CALHM4: variants seen among roughly 807,000 people sequenced by gnomAD.
The protein encoded by CALHM4 is calcium homeostasis modulator family member 4, also known as calcium homeostasis modulator protein 4.
Under a neutral mutation model 13.3 loss-of-function variants are expected in CALHM4, and 16 were observed. That is an observed-to-expected ratio of 1.20 (90% confidence interval 0.81 to 1.82). The LOEUF is 1.82. Ranked by LOEUF, CALHM4 falls within the 40% of genes most tolerant of loss-of-function variation. The probability of loss-of-function intolerance (pLI) is 0.00; values close to 1 mark genes in which losing one functional copy is unlikely to be tolerated. For synonymous variants in CALHM4, 127 were observed against 137.1 expected (o/e 0.93, Z 0.52); for missense variants, 344 against 374.9 (o/e 0.92, Z 0.68).
chr6:116,535,483 A>G (rs1056078281), intron 1 of CALHM4, among the ~76,000 whole-genome samples: 5 of 152,218 alleles, frequency 3.3e-5, no homozygotes, highest in Non-Finnish European at 5.9e-5. Flanking sequence ...GATCAAGTTT[A>G]TCTCTAATTA....
intron 1 of CALHM4, among the ~76,000 whole-genome samples, chr6:116,556,090 C>T (rs868782478): frequency 6.6e-6 from 1 of 152,196 alleles, no homozygotes; most frequent in Admixed American, 6.5e-5. Flanking sequence ...ACTATTCATG[C>T]TATTTTCCTT....
At position 116,555,268 on chromosome 6, in the gene CALHM4, G is replaced by T. The variant is rs375779242; in HGVS notation, c.558+917G>T. Among the ~76,000 whole-genome samples, 14 of 152,198 alleles carry T rather than the reference G, an allele frequency of 9.2e-5. No homozygotes were observed. The East Asian group carries it at 1.2e-3, about 13-fold the overall frequency. ...TAACTTTTTTAATACTAGCCCTAAT[G>T]CTCAGAGGAGCTATGTAAAAATATG... On this transcript the variant is annotated intron_variant, in intron 1 of 1. Transcript: ENST00000368596.
In CALHM4 at chr6:116,560,203, T is replaced by A. The variant is rs1774523509; in HGVS notation, c.*1992T>A. Among the ~76,000 whole-genome samples, 1 of 152,202 alleles carries A rather than the reference T, an allele frequency of 6.6e-6. No individual in the cohort carries two copies. Among genetic ancestry groups the A allele is most frequent in the South Asian group, 2.1e-4 (1 of 4,822 alleles). ...TTTTATATTCTTCTGTATTGGAACA[T>A]ACTAGTTAAATGAACACTTTCAACC... On this transcript the variant is annotated 3_prime_UTR_variant, in exon 2 of 2. Transcript: ENST00000368596.
chr6:116,543,035 A>G (rs575782905), intron 1 of CALHM4, among the ~76,000 whole-genome samples: 1 of 152,314 alleles, frequency 6.6e-6, no homozygotes, highest in Non-Finnish European at 1.5e-5. Flanking sequence ...TTTGCTTATA[A>G]GCGACTCTTA....
At chr6:116,556,939 CT>C (rs35964763) in intron 1 of CALHM4, among the ~76,000 whole-genome samples, 6,213 of 119,360 alleles carry the variant, frequency 0.052, 117 homozygotes, top group African/African-American at 0.072. Context: ...TATTTTTAAT[CT>C]TTTTTTTTTT....
chr6:116,549,983 TATATATATATATATATA>T (rs1773981984), upstream of CALHM4, among the ~76,000 whole-genome samples: 5 of 39,530 alleles, frequency 1.3e-4, no homozygotes, highest in South Asian at 5.8e-4. Flanking sequence ...TCTTAAATTA[TATATATATATATATATA>T]TATATATATA....
intron 1 of CALHM4, among the ~76,000 whole-genome samples, chr6:116,531,889 T>G (rs927664340): frequency 6.7e-6 from 1 of 149,622 alleles, no homozygotes; most frequent in East Asian, 1.9e-4. Context: ...TAATTTATAT[T>G]TAATTTTAAA....
chr6:116,551,482 G>A (rs1230755752), upstream of CALHM4, among the ~76,000 whole-genome samples: 4 of 151,520 alleles, frequency 2.6e-5, no homozygotes, highest in Non-Finnish European at 5.9e-5. Flanking sequence ...TCAAGTTATT[G>A]TATTAATATA....
At chr6:116,553,409 A>G (rs1398388301), upstream of CALHM4, among the ~76,000 whole-genome samples, 3 of 152,176 alleles carry the variant, frequency 2.0e-5, no homozygotes, top group African/African-American at 7.2e-5. Flanking sequence ...AGTCTAGTAC[A>G]AGGTTAAGAA....
At chr6:116,529,890 T>C (rs1333325448) in intron 1 of CALHM4, among the ~76,000 whole-genome samples, 3 of 151,760 alleles carry the variant, frequency 2.0e-5, no homozygotes, top group African/African-American at 7.3e-5. Flanking sequence ...GTAAGAGGAG[T>C]GTGTGCGGAA....
At chr6:116,533,161 T>C (rs1186695308) in intron 1 of CALHM4, among the ~76,000 whole-genome samples, 1 of 152,182 alleles carries the variant, frequency 6.6e-6, no homozygotes, top group Non-Finnish European at 1.5e-5. Flanking sequence ...CTGGAGTTCT[T>C]GGCCACAGTG....
At chr6:116,545,509 A>G in intron 2 of CALHM4, 1 of 1,548,268 alleles carries the variant, frequency 6.5e-7, no homozygotes, top group Non-Finnish European at 8.7e-7. Flanking sequence ...GTGCAGGGCG[A>G]GACATAGTGC....
intron 1 of CALHM4, among the ~76,000 whole-genome samples, chr6:116,535,722 T>G (rs769675142): frequency 3.9e-5 from 6 of 152,220 alleles, no homozygotes; most frequent in Non-Finnish European, 8.8e-5. Flanking sequence ...CTACTGAATA[T>G]TACACATTTT....
At chr6:116,531,407 T>A (rs1213550759) in intron 1 of CALHM4, among the ~76,000 whole-genome samples, 1 of 151,744 alleles carries the variant, frequency 6.6e-6, no homozygotes, top group Admixed American at 6.6e-5. Flanking sequence ...AAGATATTAG[T>A]AGGTAATTAT....
At chr6:116,540,317 T>G in intron 1 of CALHM4, 1 of 1,520,462 alleles carries the variant, frequency 6.6e-7, no homozygotes, top group Non-Finnish European at 8.9e-7. Context: ...TCAAAAAGAA[T>G]CAGAGATTTT....
rs748750783 is a variant in CALHM4 at position 116,559,454 on chromosome 6, A to G, written c.*1243A>G. On this transcript the variant is annotated 3_prime_UTR_variant, in exon 2 of 2. Coordinates refer to ENST00000368596, the MANE Select transcript of CALHM4 (RefSeq NM_001366078.2). ...CTTTTACACAATTATGGAAGGTTTT[A>G]TTTTCTATAAAGTTCTGGGTCCTTG... Among the ~76,000 whole-genome samples the G allele has an allele frequency of 2.0e-5, 3 of 152,186 alleles. No individual in the cohort carries two copies. The highest frequency in any genetic ancestry group is 4.4e-5 in the Non-Finnish European group (3 of 68,030).
In CALHM4 at chr6:116,554,173, C is replaced by T. The variant is rs752795541; in HGVS notation, c.380C>T (p.Thr127Met). ...TWLAVTLLTG[T>M]YYECAASEFA... ...CTGGCGGTGACCCTGCTGACAGGCA[C>T]GTATTATGAATGTGCAGCAAGTGAA... The change falls in exon 1 of 2, where the codon ACG becomes ATG. Residue 127 changes from threonine to methionine, a missense_variant. Coordinates refer to ENST00000368596, the MANE Select transcript of CALHM4 (RefSeq NM_001366078.2). 1.9e-6 allele frequency: 3 copies of T among 1,550,440 alleles called. No individual in the cohort carries two copies. The highest frequency in any genetic ancestry group is 2.4e-5 in the East Asian group (1 of 40,916).
chr6:116,549,983 TATATATATATATATATATA>T (rs1773982177), upstream of CALHM4, among the ~76,000 whole-genome samples: 11 of 39,558 alleles, frequency 2.8e-4, no homozygotes, highest in African/African-American at 6.8e-4. Flanking sequence ...TCTTAAATTA[TATATATATATATATATATA>T]TATATATATA....
chr6:116,538,254 T>A (rs959241725), intron 1 of CALHM4, among the ~76,000 whole-genome samples: 3 of 152,172 alleles, frequency 2.0e-5, no homozygotes, highest in African/African-American at 4.8e-5. Context: ...AATCCTCCCA[T>A]GTCACTGCAC....
Sources: allele counts gnomAD v4.1 joint callset (sites outside exome capture counted in the v4.1 genomes callset), GRCh38; gene constraint gnomAD v4.1.1; transcripts MANE v1.5; gene names NCBI Gene and HGNC (gene_info 2026-07-23, HGNC 2026-07-21).